Variants in MGAT5B observed in about 807,000 individuals in gnomAD.
MGAT5B encodes the protein N-acetylglucosaminyl-transferase Vb.
Under a neutral mutation model 95.1 loss-of-function variants are expected in MGAT5B, and 54 were observed. The observed-to-expected ratio is 0.57, with a 90% CI of 0.46 to 0.71. The LOEUF (loss-of-function observed/expected upper bound fraction) is 0.71, where lower values mean the gene tolerates loss of function less well. Ranked by LOEUF, MGAT5B falls within the 30% of genes least tolerant of loss-of-function variation. The pLI is 0.00. For synonymous variants in MGAT5B, 464 were observed against 451.0 expected (o/e 1.03, Z -0.36); for missense variants, 935 against 1,088.6 (o/e 0.86, Z 1.99).
At chr17:76,895,198 G>C (rs1465030193) in intron 3 of MGAT5B, among the ~76,000 whole-genome samples, 3 of 151,968 alleles carry the variant, frequency 2.0e-5, no homozygotes, top group African/African-American at 7.3e-5. Flanking sequence ...GCCTTCTTCT[G>C]ATGAAAATCT....
In MGAT5B at chr17:76,879,562, C is replaced by T. The variant is rs1598893092; in HGVS notation, c.182-2589C>T. On this transcript the variant is annotated intron_variant, in intron 2 of 17. Coordinates refer to ENST00000569840, the MANE Select transcript of MGAT5B (RefSeq NM_001199172.2). ...GAGGCCACGCAGGCTGTGCGCTGCA[C>T]GACTCCACGACAGACACCCTTTAGG... is the stretch of plus-strand genomic sequence containing the variant. Among the ~76,000 whole-genome samples the T allele has an allele frequency of 3.3e-5, 5 of 151,820 alleles. No individual in the cohort carries two copies. The South Asian group carries it at 6.2e-4, about 19-fold the overall frequency.
rs1967446958 is a variant in MGAT5B, at chr17:76,882,179, C to T, written c.210C>T (p.Val70=). The T allele has an allele frequency of 1.9e-6, 3 of 1,612,912 alleles. No individual in the cohort carries two copies. The highest frequency in any genetic ancestry group is 2.7e-5 in the African/African-American group (2 of 74,944). Reference sequence around the variant, plus strand: ...TGGGGGGCCCCGAGTCCCGCGGCGTCCTGCGCAAGATGAGCGACCTGCTGG... The same window carrying T: ...TGGGGGGCCCCGAGTCCCGCGGCGTTCTGCGCAAGATGAGCGACCTGCTGG... ...EVMGGPESRG[V]LRKMSDLLEL... The change falls in exon 3 of 18, where the codon GTC becomes GTT. Residue 70 remains valine, a synonymous_variant. Transcript: ENST00000569840.
chr17:76,903,394 G>A lies in MGAT5B; in HGVS notation c.519+18G>A, dbSNP rs762958188. On this transcript the variant is annotated intron_variant, in intron 5 of 17. Coordinates refer to ENST00000569840, the MANE Select transcript of MGAT5B (RefSeq NM_001199172.2). ...AGGTGGAGGTGAGGCCTGGGGCTGA[G>A]GGGTGGGGATGTCTACAGCTAGGGC... The A allele has an allele frequency of 1.2e-6, 2 of 1,602,310 alleles. No homozygotes were observed. Among genetic ancestry groups the A allele is most frequent in the South Asian group, 2.2e-5 (2 of 89,420 alleles).
At position 76,903,354 on chromosome 17, in the gene MGAT5B, C is replaced by T. The variant is rs1427492827; in HGVS notation, c.497C>T (p.Pro166Leu). ...GAGGCACCCAGTGACCCCAAGTTCC[C>T]TGACTGCTCAGGGAAGGTGGAGGTG... ...QCEAPSDPKF[P>L]DCSGKVEWMR... The change falls in exon 5 of 18, where the codon CCT (proline) becomes CTT (leucine). Residue 166 changes from proline (P) to leucine (L), a missense_variant. By Grantham distance (98) the Pro-to-Leu change is moderately conservative (BLOSUM62 -3). This residue lies in a region of MGAT5B where 243 missense variants were observed against 305.5 expected (regional missense o/e 0.80). Coordinates refer to ENST00000569840, the MANE Select transcript of MGAT5B (RefSeq NM_001199172.2). The T allele has an allele frequency of 1.9e-6, 3 of 1,611,316 alleles. No individual in the cohort carries two copies. The Admixed American group carries it at 5.0e-5, about 27-fold the overall frequency.
chr17:76,943,367 G>A (rs1317657495), intron 15 of MGAT5B, among the ~76,000 whole-genome samples: 1 of 151,956 alleles, frequency 6.6e-6, no homozygotes, highest in Non-Finnish European at 1.5e-5. Context: ...CCCTTCTGTG[G>A]GCCCCACCCC....
At chr17:76,919,290 A>G (rs1479633833) in intron 8 of MGAT5B, among the ~76,000 whole-genome samples, 1 of 152,080 alleles carries the variant, frequency 6.6e-6, no homozygotes, top group Non-Finnish European at 1.5e-5. Flanking sequence ...CAGAGCCCCT[A>G]TATTGTTTAT....
At chr17:76,910,503 A>G (rs12939112) in intron 8 of MGAT5B, among the ~76,000 whole-genome samples, 16,086 of 152,290 alleles carry the variant, frequency 0.11, 1,234 homozygotes, top group East Asian at 0.37. Context: ...ACATACTCAT[A>G]GCCTCTGCAC....
intron 3 of MGAT5B, 111 bp from the exon 4 acceptor site, chr17:76,902,444 C>A: frequency 1.4e-6 from 1 of 730,440 alleles, no homozygotes; most frequent in Admixed American, 2.4e-5. Context: ...GTTTGGGAGC[C>A]TGGGGCATTG....
chr17:76,880,363 C>T (rs1967364439), intron 2 of MGAT5B, among the ~76,000 whole-genome samples: 1 of 152,222 alleles, frequency 6.6e-6, no homozygotes, highest in South Asian at 2.1e-4. Context: ...GGCGGGTTCA[C>T]CTGGCAGGGG....
chr17:76,890,206 C>G (rs549911956), intron 3 of MGAT5B, among the ~76,000 whole-genome samples: 50 of 152,344 alleles, frequency 3.3e-4, no homozygotes, highest in African/African-American at 1.1e-3. Flanking sequence ...TCCTCGGTCC[C>G]TCTGAGCCAT....
intron 13 of MGAT5B, among the ~76,000 whole-genome samples, chr17:76,939,044 G>A (rs1022497865): frequency 1.3e-5 from 2 of 148,318 alleles, no homozygotes; most frequent in African/African-American, 4.9e-5. Context: ...GTGTGTGTGT[G>A]TGTGTGTGTG....
intron 15 of MGAT5B, among the ~76,000 whole-genome samples, chr17:76,945,101 G>A (rs1489077183): frequency 6.6e-6 from 1 of 151,988 alleles, no homozygotes; most frequent in Admixed American, 6.5e-5. Context: ...TTTTCTCCAC[G>A]GTGGCTCTGC....
intron 16 of MGAT5B, among the ~76,000 whole-genome samples, chr17:76,947,320 T>C (rs10852779): frequency 0.85 from 129,934 of 152,194 alleles, 55,682 homozygotes; most frequent in Non-Finnish European, 0.87. Context: ...GAAGGGAGAG[T>C]GTATTCAGGT....
In MGAT5B at chr17:76,940,353, G is replaced by A; in HGVS notation, c.1585-49G>A. On this transcript the variant is annotated intron_variant, in intron 13 of 17. Coordinates refer to ENST00000569840, the MANE Select transcript of MGAT5B (RefSeq NM_001199172.2). This position sits in a 1 kb window ranked among gnomAD's most constrained non-coding sequence, Gnocchi z 4.3. The stretch of plus-strand genomic sequence containing the variant: ...TCCCCGGCATCCTGGTGCTTACTGG[G>A]CTGTGGCGGCCCAGCCCTCCCTGAT... The A allele has an allele frequency of 2.0e-6, 3 of 1,525,318 alleles. No homozygotes were observed. Among genetic ancestry groups the A allele is most frequent in the African/African-American group, 2.8e-5 (2 of 72,476 alleles). 94.5% of individuals were successfully genotyped at this position (1,525,318 alleles called of 1,614,324 possible). A position where few individuals can be genotyped will look rare whatever the true frequency, so the allele number is the denominator to read the frequency against.
Position 76,933,302 on chromosome 17 carries a change from G to C in MGAT5B, c.1428+5G>C, listed in dbSNP as rs1969554314. The C allele has an allele frequency of 6.3e-7, 1 of 1,598,182 alleles. No individual in the cohort carries two copies. The highest frequency in any genetic ancestry group is 1.3e-5 in the African/African-American group (1 of 74,928). On this transcript the variant is annotated splice_donor_5th_base_variant and intron_variant, in intron 12 of 17. Transcript: ENST00000569840. ...CTGGCCACGAGGCAGCTCCAGGTAT[G>C]GAAACCGCTTGCCGCCTGCCCCCTC...
chr17:76,889,050 G>A lies in MGAT5B; in HGVS notation c.329+6752G>A, dbSNP rs1598908846. ...CTCGCTTGGCATTCTTTTACTTTCC[G>A]AGTGAGAAACGATGGTTTTGGTAGA... On this transcript the variant is annotated intron_variant, in intron 3 of 17. Coordinates refer to ENST00000569840, the MANE Select transcript of MGAT5B (RefSeq NM_001199172.2). This position sits in a 1 kb window ranked among gnomAD's most constrained non-coding sequence, Gnocchi z 4.4. 1.3e-5 allele frequency among the ~76,000 whole-genome samples: 2 copies of A among 152,288 alleles called. No homozygotes were observed. Among genetic ancestry groups the A allele is most frequent in the East Asian group, 3.9e-4 (2 of 5,186 alleles).
chr17:76,928,957 C>T (rs1969400890), intron 10 of MGAT5B, among the ~76,000 whole-genome samples: 2 of 151,924 alleles, frequency 1.3e-5, no homozygotes, highest in Admixed American at 6.6e-5. Context: ...CCTCCACCTC[C>T]CGGGTTCAAG....
At chr17:76,919,689 C>T (rs1435976609) in intron 8 of MGAT5B, among the ~76,000 whole-genome samples, 1 of 152,228 alleles carries the variant, frequency 6.6e-6, no homozygotes, top group Non-Finnish European at 1.5e-5. Flanking sequence ...CCTAGGCCAC[C>T]TAAAGTGCTG....
intron 3 of MGAT5B, among the ~76,000 whole-genome samples, chr17:76,890,759 TC>T (rs1452775577): frequency 6.6e-6 from 1 of 152,102 alleles, no homozygotes; most frequent in East Asian, 1.9e-4. Flanking sequence ...CACCTCAGCC[TC>T]CCAGAGTACT....
Sources: allele counts gnomAD v4.1 joint callset (sites outside exome capture counted in the v4.1 genomes callset), GRCh38; gene constraint gnomAD v4.1.1; regional missense constraint gnomAD v4.1.1; non-coding constraint Gnocchi (gnomAD v3.1); transcripts MANE v1.5; gene names NCBI Gene and HGNC (gene_info 2026-07-23, HGNC 2026-07-21).